Variants in ATP8A1 observed in about 807,000 individuals in gnomAD.
ATP8A1 encodes the protein ATPase phospholipid transporting 8A1, also known as phospholipid-transporting ATPase IA.
In ATP8A1, 90 loss-of-function variants were observed where a neutral mutation model predicts 177.7. The observed-to-expected ratio is 0.51, with a 90% CI of 0.43 to 0.60. ATP8A1 has a LOEUF of 0.60. ATP8A1 is among the 20% of genes least tolerant of loss of function. The pLI is 0.00. For synonymous variants in ATP8A1, 493 were observed against 485.9 expected (o/e 1.01, Z -0.19); for missense variants, 1,072 against 1,392.8 (o/e 0.77, Z 3.67).
intron 6 of ATP8A1, among the ~76,000 whole-genome samples, chr4:42,593,799 AAAAG>A (rs1404990999): frequency 6.6e-6 from 1 of 151,944 alleles, no homozygotes; most frequent in African/African-American, 2.4e-5. Context: ...GAAAGAACTT[AAAAG>A]AAAGAGCAAA....
intron 1 of ATP8A1, among the ~76,000 whole-genome samples, chr4:42,639,736 T>A (rs1211269462): frequency 6.6e-6 from 1 of 152,220 alleles, no homozygotes; most frequent in Non-Finnish European, 1.5e-5. Context: ...AGAACTATGG[T>A]GAATGAGAGA....
chr4:42,548,600 G>A (rs1729168385), intron 19 of ATP8A1, among the ~76,000 whole-genome samples: 2 of 152,192 alleles, frequency 1.3e-5, no homozygotes, highest in African/African-American at 4.8e-5. Context: ...ACACATTGTT[G>A]TTAACTATAG....
chr4:42,456,527 A>T (rs1177320493), intron 27 of ATP8A1, among the ~76,000 whole-genome samples: 1 of 152,190 alleles, frequency 6.6e-6, no homozygotes, highest in African/African-American at 2.4e-5. Flanking sequence ...TGGAAACAAA[A>T]TTAAGGGACA....
intron 35 of ATP8A1, among the ~76,000 whole-genome samples, chr4:42,417,348 A>C (rs896542427): frequency 6.7e-6 from 1 of 148,688 alleles, no homozygotes; most frequent in African/African-American, 2.5e-5. Flanking sequence ...AAAAAAAAAA[A>C]CACTAAAGAT....
chr4:42,555,260 T>C (rs1256236101), intron 16 of ATP8A1, among the ~76,000 whole-genome samples: 2 of 151,670 alleles, frequency 1.3e-5, no homozygotes, highest in Non-Finnish European at 2.9e-5. Context: ...AAGCAGGATT[T>C]TCACATTGGG....
intron 24 of ATP8A1, among the ~76,000 whole-genome samples, chr4:42,492,730 T>A (rs1722853498): frequency 6.6e-6 from 1 of 152,238 alleles, no homozygotes; most frequent in Non-Finnish European, 1.5e-5. Context: ...TTCTTGGATT[T>A]GTTATTTTTC....
chr4:42,608,566 G>A (rs1042431420), intron 5 of ATP8A1, among the ~76,000 whole-genome samples: 3 of 152,068 alleles, frequency 2.0e-5, no homozygotes, highest in Non-Finnish European at 4.4e-5. Context: ...CGCCATGTTG[G>A]TCAGGCTGGT....
intron 20 of ATP8A1, among the ~76,000 whole-genome samples, chr4:42,532,795 C>T (rs1366188945): frequency 6.6e-6 from 1 of 152,178 alleles, no homozygotes; most frequent in African/African-American, 2.4e-5. Flanking sequence ...TGAAGATGCA[C>T]AAAAGTGAAA....
intron 15 of ATP8A1, among the ~76,000 whole-genome samples, chr4:42,566,935 T>C (rs1265966886): frequency 1.3e-5 from 2 of 152,252 alleles, no homozygotes. Context: ...GCTGACTATG[T>C]GCAGACACTA....
Position 42,555,799 on chromosome 4 carries a change from C to T in ATP8A1, c.1413+169G>A, listed in dbSNP as rs1014873415. ...AAATCACGCCATTGCACTCCAGCCC[C>T]AGCGACAGAGTGAGACTCTGTCTCA... On this transcript the variant is annotated intron_variant, in intron 16 of 36. Coordinates refer to ENST00000381668, the MANE Select transcript of ATP8A1 (RefSeq NM_006095.2). Among the ~76,000 whole-genome samples, 5 of 151,724 alleles carry T rather than the reference C, an allele frequency of 3.3e-5. No homozygotes were observed. In the South Asian group the frequency reaches 6.2e-4, roughly 19 times the overall value.
At position 42,449,881 on chromosome 4, in the gene ATP8A1, G is replaced by C. The variant is rs1717746813; in HGVS notation, c.2896+2100C>G. ...TCCTTTCAAACCCTGTCATTGCTAA[G>C]GTGTTTTGGATGCTATCTGGTTTAA... On this transcript the variant is annotated intron_variant, in intron 30 of 36. Coordinates refer to ENST00000381668, the MANE Select transcript of ATP8A1 (RefSeq NM_006095.2). Among the ~76,000 whole-genome samples, 3 of 152,130 alleles carry C rather than the reference G, an allele frequency of 2.0e-5. No homozygotes were observed. The South Asian group carries it at 6.2e-4, about 31-fold the overall frequency.
intron 35 of ATP8A1, among the ~76,000 whole-genome samples, chr4:42,416,702 A>G (rs527897931): frequency 6.6e-6 from 1 of 152,248 alleles, no homozygotes; most frequent in East Asian, 1.9e-4. Flanking sequence ...TTTCTCTGTC[A>G]TCTCCTATAT....
At chr4:42,486,875 A>G (rs1722249007) in intron 24 of ATP8A1, among the ~76,000 whole-genome samples, 1 of 152,234 alleles carries the variant, frequency 6.6e-6, no homozygotes, top group Non-Finnish European at 1.5e-5. Context: ...AGTCTGGAAT[A>G]GGCTATGCCA....
rs182808569 is a variant in ATP8A1, at chr4:42,479,320, C to T, written c.2324+6176G>A. ...CCCTGCACAGAAAATATATGCCCCA[C>T]CTTGCTCAAAACACCAAGCCCTTCT... On this transcript the variant is annotated intron_variant, in intron 25 of 36. Transcript: ENST00000381668. 4.0e-4 allele frequency among the ~76,000 whole-genome samples: 61 copies of T among 152,312 alleles called. No individual in the cohort carries two copies. The East Asian group carries it at 0.012, about 29-fold the overall frequency.
intron 24 of ATP8A1, among the ~76,000 whole-genome samples, chr4:42,487,568 A>G (rs933276474): frequency 1.3e-5 from 2 of 152,100 alleles, no homozygotes; most frequent in African/African-American, 4.8e-5. Context: ...ATAAAAATAC[A>G]GTACACTTAT....
chr4:42,576,407 C>A lies in ATP8A1; in HGVS notation c.1129-708G>T, dbSNP rs117058970. 7.6e-4 allele frequency among the ~76,000 whole-genome samples: 98 copies of A among 128,908 alleles called. 1 individual carries two copies. The East Asian group carries it at 0.023, about 31-fold the overall frequency. 84.6% of individuals were successfully genotyped at this position (128,908 alleles called of 152,430 possible). On this transcript the variant is annotated intron_variant, in intron 12 of 36. Coordinates refer to ENST00000381668, the MANE Select transcript of ATP8A1 (RefSeq NM_006095.2). ...AGGAGAATGGCGTGAACCCGGGTGGCAAAGCTCGCAGTGAGCCTAGATCGC... is the reference window on the plus strand; with the variant it reads ...AGGAGAATGGCGTGAACCCGGGTGGAAAAGCTCGCAGTGAGCCTAGATCGC...
At chr4:42,574,157 C>T (rs1231538144) in intron 14 of ATP8A1, among the ~76,000 whole-genome samples, 2 of 152,034 alleles carry the variant, frequency 1.3e-5, no homozygotes, top group Non-Finnish European at 2.9e-5. Context: ...GTCTCTACCT[C>T]CTTTCCATCA....
chr4:42,575,549 A>G, intron 13 of ATP8A1, 73 bp downstream of exon 13: 1 of 1,227,166 alleles, frequency 8.1e-7, no homozygotes, highest in Non-Finnish European at 1.2e-6. Context: ...ATCTGCAGTT[A>G]TCATATATGG....
rs368045782 is a variant in ATP8A1, at chr4:42,547,518, T to C, written c.1652+1495A>G. 4.1e-4 allele frequency among the ~76,000 whole-genome samples: 62 copies of C among 152,348 alleles called. 1 individual carries two copies. In the South Asian group the frequency reaches 8.5e-3, roughly 21 times the overall value. On this transcript the variant is annotated intron_variant, in intron 19 of 36. Coordinates refer to ENST00000381668, the MANE Select transcript of ATP8A1 (RefSeq NM_006095.2). ...TCTTCATGGCACTCATCACCTAGCATAGTGCTTTCTAAGTGTGGTTTAAAA... is the reference window on the plus strand; with the variant it reads ...TCTTCATGGCACTCATCACCTAGCACAGTGCTTTCTAAGTGTGGTTTAAAA...
Sources: allele counts gnomAD v4.1 joint callset (sites outside exome capture counted in the v4.1 genomes callset), GRCh38; gene constraint gnomAD v4.1.1; transcripts MANE v1.5; gene names NCBI Gene and HGNC (gene_info 2026-07-23, HGNC 2026-07-21).